RABGEF1: variants seen among roughly 807,000 people sequenced by gnomAD.
RABGEF1 encodes RAB guanine nucleotide exchange factor 1, also known as rab5 GDP/GTP exchange factor.
RABGEF1 carries 26 observed loss-of-function variants against 57.3 expected under a neutral mutation model. The observed-to-expected ratio is 0.45, with a 90% CI of 0.33 to 0.63. RABGEF1 has a LOEUF of 0.63. Ranked by LOEUF, RABGEF1 falls within the 20% of genes least tolerant of loss-of-function variation. RABGEF1 has a pLI of 0.02. For missense variants in RABGEF1, 464 were observed against 607.6 expected (o/e 0.76, Z 2.48); for synonymous variants, 185 against 210.7 (o/e 0.88, Z 1.06).
chr7:66,752,372 G>A (rs563286309), intron 1 of RABGEF1, among the ~76,000 whole-genome samples: 1 of 151,744 alleles, frequency 6.6e-6, no homozygotes, highest in Non-Finnish European at 1.5e-5. Flanking sequence ...GCGGGCACCT[G>A]TAATCCCAGC....
At chr7:66,673,534 C>T in the RABGEF1 span, among the ~76,000 whole-genome samples, 1 of 150,890 alleles carries the variant, frequency 6.6e-6, no homozygotes, top group South Asian at 2.1e-4. Flanking sequence ...ATAGCACACA[C>T]CCCCAATGTC....
At chr7:66,661,393 T>C in the RABGEF1 span, among the ~76,000 whole-genome samples, 1 of 150,874 alleles carries the variant, frequency 6.6e-6, no homozygotes, top group Non-Finnish European at 1.5e-5. Flanking sequence ...CACTAGCAAA[T>C]TGAATAACCA....
At chr7:66,757,920 A>AT (rs72302243) in intron 1 of RABGEF1, among the ~76,000 whole-genome samples, 5,998 of 150,338 alleles carry the variant, frequency 0.04, 165 homozygotes, top group East Asian at 0.086. Flanking sequence ...CGACCAAAAC[A>AT]TTTTTTTTTG....
At chr7:66,768,567 T>G (rs1321513040) in intron 1 of RABGEF1, among the ~76,000 whole-genome samples, 5 of 152,216 alleles carry the variant, frequency 3.3e-5, no homozygotes, top group African/African-American at 4.8e-5. Flanking sequence ...GGATGCAGGT[T>G]CTGTGGGCTG....
At chr7:66,783,953 G>A in intron 4 of RABGEF1, 112 bp downstream of exon 4, 1 of 1,058,284 alleles carries the variant, frequency 9.4e-7, no homozygotes, top group South Asian at 2.3e-5. Context: ...CAGACCAAGA[G>A]ATGTTAAATT....
upstream of RABGEF1, among the ~76,000 whole-genome samples, chr7:66,681,324 CA>C (rs1487955923): frequency 1.3e-5 from 2 of 151,748 alleles, no homozygotes; most frequent in Non-Finnish European, 2.9e-5. Flanking sequence ...AAACAGTATC[CA>C]ATTTGTGACT....
intron 1 of RABGEF1, among the ~76,000 whole-genome samples, chr7:66,695,558 G>A (rs1310381552): frequency 1.3e-5 from 2 of 152,100 alleles, no homozygotes; most frequent in Admixed American, 1.3e-4. Context: ...GGAGGACTGG[G>A]GACAAAAGCC....
intron 3 of RABGEF1, among the ~76,000 whole-genome samples, chr7:66,775,828 G>A (rs1808394275): frequency 6.6e-6 from 1 of 152,146 alleles, no homozygotes; most frequent in Non-Finnish European, 1.5e-5. Flanking sequence ...TTATTTGAGA[G>A]ACAGCTTGTG....
At chr7:66,661,183 C>T in the RABGEF1 span, among the ~76,000 whole-genome samples, 2 of 151,124 alleles carry the variant, frequency 1.3e-5, no homozygotes, top group Admixed American at 1.3e-4. Flanking sequence ...CCTGTAGTCC[C>T]AGCTACTCAG....
At chr7:66,662,042 G>T in the RABGEF1 span, among the ~76,000 whole-genome samples, 2 of 152,230 alleles carry the variant, frequency 1.3e-5, no homozygotes, top group Non-Finnish European at 2.9e-5. Context: ...GAGGTCAGGA[G>T]ATTGAGACCA....
At chr7:66,782,176 T>C (rs1459926977) in intron 3 of RABGEF1, among the ~76,000 whole-genome samples, 7 of 152,232 alleles carry the variant, frequency 4.6e-5, no homozygotes. Context: ...AGAAAAGATG[T>C]TGCATTTTTT....
intron 1 of RABGEF1, among the ~76,000 whole-genome samples, chr7:66,760,771 T>TC (rs34375781): frequency 0.5 from 76,124 of 151,716 alleles, 20,016 homozygotes; most frequent in East Asian, 0.74. Flanking sequence ...TAATGGCTAA[T>TC]ACTCACGAGG....
upstream of RABGEF1, among the ~76,000 whole-genome samples, chr7:66,737,203 T>C (rs1271123380): frequency 6.6e-6 from 1 of 152,032 alleles, no homozygotes; most frequent in South Asian, 2.1e-4. Context: ...ATGCTGGTAT[T>C]ACAGTATTTA....
intron 2 of RABGEF1, among the ~76,000 whole-genome samples, chr7:66,725,117 G>A (rs1796448844): frequency 1.3e-5 from 2 of 151,988 alleles, no homozygotes; most frequent in African/African-American, 2.4e-5. Flanking sequence ...TTCTGGGTCT[G>A]TTTCGATTAT....
Position 66,765,159 on chromosome 7 carries a change from T to C in RABGEF1, c.-17-6724T>C, listed in dbSNP as rs528151821. The stretch of plus-strand genomic sequence containing the variant: ...AGTTGGGTGAAAAGGTGGAGAATGA[T>C]AGGAGCAGAGAGGTTGGAGAGGGAT... On this transcript the variant is annotated intron_variant, in intron 1 of 8. Coordinates refer to ENST00000284957, the MANE Select transcript of RABGEF1 (RefSeq NM_014504.3). Among the ~76,000 whole-genome samples the C allele has an allele frequency of 3.4e-3, 514 of 151,420 alleles. 2 individuals carry two copies. The highest frequency in any genetic ancestry group is 6.2e-3 in the Non-Finnish European group (419 of 67,858).
chr7:66,758,990 A>G (rs148407181), intron 1 of RABGEF1, among the ~76,000 whole-genome samples: 160 of 152,352 alleles, frequency 1.1e-3, no homozygotes, highest in African/African-American at 3.5e-3. Flanking sequence ...TAATGGTTAC[A>G]TGTTACATAA....
At chr7:66,778,695 G>A (rs1285891476) in intron 3 of RABGEF1, among the ~76,000 whole-genome samples, 1 of 152,150 alleles carries the variant, frequency 6.6e-6, no homozygotes, top group Non-Finnish European at 1.5e-5. Context: ...AGAAGTGACT[G>A]ATTCTGGGGC....
intron 1 of RABGEF1, among the ~76,000 whole-genome samples, chr7:66,694,239 T>G (rs907430502): frequency 6.6e-6 from 1 of 152,144 alleles, no homozygotes; most frequent in Non-Finnish European, 1.5e-5. Flanking sequence ...GCATCTGGCA[T>G]GGTAAGTAAA....
Position 66,716,602 on chromosome 7 carries a change from G to GAATA in RABGEF1, c.-815+4397_-815+4400dup, listed in dbSNP as rs564919686. Among the ~76,000 whole-genome samples the GAATA allele has an allele frequency of 7.2e-4, 109 of 151,908 alleles. 1 individual carries two copies. The South Asian group carries it at 0.011, about 16-fold the overall frequency. On this transcript the variant is annotated intron_variant and NMD_transcript_variant, in intron 2 of 9. Coordinates refer to the RABGEF1 transcript ENST00000607882. ...AGTGAAAGAGCAAGACTCTGTCTCA[G>GAATA]AATAAATAAATAAATAAATAAAACA...
Sources: allele counts gnomAD v4.1 joint callset (sites outside exome capture counted in the v4.1 genomes callset), GRCh38; gene constraint gnomAD v4.1.1; transcripts MANE v1.5; gene names NCBI Gene and HGNC (gene_info 2026-07-23, HGNC 2026-07-21).